JCAD: variants seen among roughly 807,000 people sequenced by gnomAD.
The protein encoded by JCAD is junctional cadherin 5-associated protein.
A neutral mutation model predicts 98.0 loss-of-function variants in JCAD; 40 were observed. The observed-to-expected ratio is 0.41, with a 90% CI of 0.32 to 0.53. The LOEUF (loss-of-function observed/expected upper bound fraction) is 0.53. Ranked by LOEUF, JCAD falls within the 20% of genes least tolerant of loss-of-function variation. The probability of loss-of-function intolerance (pLI) is 0.31; values close to 1 mark genes in which losing one functional copy is unlikely to be tolerated. For synonymous variants in JCAD, 691 were observed against 682.3 expected (o/e 1.01, Z -0.20); for missense variants, 1,705 against 1,738.1 (o/e 0.98, Z 0.34).
chr10:30,043,710 C>G lies in JCAD; in HGVS notation c.281+3822G>C, dbSNP rs551205805. On this transcript the variant is annotated intron_variant, in intron 2 of 3. Coordinates refer to ENST00000375377, the MANE Select transcript of JCAD (RefSeq NM_020848.4). ...CAGCGATGGTAACCCCAGGAGCTCA[C>G]AGAATCAAGTGCTCCTTTCAAACGA... Among the ~76,000 whole-genome samples the G allele has an allele frequency of 7.2e-5, 11 of 152,304 alleles. No homozygotes were observed. The East Asian group carries it at 2.1e-3, about 29-fold the overall frequency.
At chr10:30,090,205 T>C (rs2132694173) in intron 1 of JCAD, among the ~76,000 whole-genome samples, 1 of 152,318 alleles carries the variant, frequency 6.6e-6, no homozygotes, top group East Asian at 1.9e-4. Flanking sequence ...TCATGAGCAC[T>C]ATTTGGTTAC....
chr10:30,081,110 G>A (rs1227822588), intron 1 of JCAD, among the ~76,000 whole-genome samples: 1 of 152,194 alleles, frequency 6.6e-6, no homozygotes, highest in Non-Finnish European at 1.5e-5. Flanking sequence ...CCCAGATGAA[G>A]GCAAATGCCT....
chr10:30,102,732 A>G (rs1220867140), intron 1 of JCAD, among the ~76,000 whole-genome samples: 6 of 152,210 alleles, frequency 3.9e-5, no homozygotes, highest in Non-Finnish European at 7.3e-5. Context: ...GTTTGTTCTC[A>G]CACTGCTAAT....
At chr10:30,048,953 C>T (rs887995856) in intron 1 of JCAD, among the ~76,000 whole-genome samples, 1 of 152,172 alleles carries the variant, frequency 6.6e-6, no homozygotes, top group Non-Finnish European at 1.5e-5. Flanking sequence ...GATGTCCACA[C>T]CCAAATCCTG....
At position 30,028,364 on chromosome 10, in the gene JCAD, T is replaced by C. The variant is rs1282373662; in HGVS notation, c.1784A>G (p.Asp595Gly). ...IPVKSESHLP[D>G]RDMDNNDLKP... ...TAAGTCATTGTTGTCCATATCTCTA[T>C]CTGGCAGATGTGATTCTGATTTCAC... is the stretch of plus-strand genomic sequence containing the variant. The change falls in exon 3 of 4, where the codon GAT becomes GGT. Residue 595 changes from aspartate to glycine, a missense_variant. Physicochemically the swap from Asp to Gly is moderately conservative, Grantham distance 94 (BLOSUM62 -1). Transcript: ENST00000375377. 3.7e-6 allele frequency: 6 copies of C among 1,614,246 alleles called. No homozygotes were observed. Among genetic ancestry groups the C allele is most frequent in the Non-Finnish European group, 5.1e-6 (6 of 1,180,050 alleles).
chr10:30,082,063 T>C (rs577763775), intron 1 of JCAD, among the ~76,000 whole-genome samples: 2 of 152,202 alleles, frequency 1.3e-5, no homozygotes, highest in Non-Finnish European at 2.9e-5. Context: ...ATCGTTTACG[T>C]CTAAGTGTAA....
chr10:30,030,935 T>G (rs142193410), intron 2 of JCAD, among the ~76,000 whole-genome samples: 44 of 150,172 alleles, frequency 2.9e-4, no homozygotes, highest in Middle Eastern at 6.8e-3. Flanking sequence ...TCCGAGACTC[T>G]CCAAGTGTCC....
chr10:30,042,268 C>G (rs1320352762), intron 2 of JCAD, among the ~76,000 whole-genome samples: 1 of 152,192 alleles, frequency 6.6e-6, no homozygotes, highest in Non-Finnish European at 1.5e-5. Flanking sequence ...AAACTGTCCT[C>G]ACCCGCAGCA....
At chr10:30,089,146 G>C (rs1838215224) in intron 1 of JCAD, among the ~76,000 whole-genome samples, 1 of 152,088 alleles carries the variant, frequency 6.6e-6, no homozygotes, top group South Asian at 2.1e-4. Flanking sequence ...CACTGTGCTG[G>C]GGGTGGAGGC....
intron 3 of JCAD, among the ~76,000 whole-genome samples, chr10:30,021,401 T>C (rs1026190593): frequency 2.0e-5 from 3 of 152,140 alleles, no homozygotes; most frequent in Non-Finnish European, 4.4e-5. Flanking sequence ...GGTCTCGCTA[T>C]GTTGCCCAGG....
At chr10:30,041,721 T>G (rs1312465448) in intron 2 of JCAD, among the ~76,000 whole-genome samples, 1 of 152,348 alleles carries the variant, frequency 6.6e-6, no homozygotes, top group East Asian at 1.9e-4. Context: ...CCTGGGGCTA[T>G]GCAGAGAAGA....
At chr10:30,114,456 T>C (rs1446344065) in intron 1 of JCAD, among the ~76,000 whole-genome samples, 1 of 151,708 alleles carries the variant, frequency 6.6e-6, no homozygotes, top group Admixed American at 6.6e-5. Flanking sequence ...AAAGGACAAA[T>C]AATAATGTCT....
At chr10:30,094,508 T>C (rs1242424676) in intron 1 of JCAD, among the ~76,000 whole-genome samples, 2 of 152,074 alleles carry the variant, frequency 1.3e-5, no homozygotes, top group Non-Finnish European at 2.9e-5. Flanking sequence ...TACAGAGGGC[T>C]GTTATGAAAT....
At chr10:30,072,436 A>C (rs1837910125) in intron 1 of JCAD, among the ~76,000 whole-genome samples, 1 of 152,202 alleles carries the variant, frequency 6.6e-6, no homozygotes, top group Non-Finnish European at 1.5e-5. Flanking sequence ...GTATATCCAT[A>C]AAGATCTCAT....
chr10:30,046,630 C>A (rs1366356847), intron 2 of JCAD, among the ~76,000 whole-genome samples: 2 of 152,168 alleles, frequency 1.3e-5, no homozygotes, highest in Non-Finnish European at 2.9e-5. Context: ...TAAAATGACT[C>A]CTATCTGAGG....
At chr10:30,030,547 C>T (rs1288876322) in intron 2 of JCAD, among the ~76,000 whole-genome samples, 1 of 152,198 alleles carries the variant, frequency 6.6e-6, no homozygotes, top group Non-Finnish European at 1.5e-5. Context: ...TCCAGACCTC[C>T]TGTGCAATCT....
chr10:30,038,793 G>A (rs540656545), intron 2 of JCAD, among the ~76,000 whole-genome samples: 72 of 151,944 alleles, frequency 4.7e-4, no homozygotes, highest in Non-Finnish European at 9.1e-4. Context: ...GAAGGAAGAA[G>A]GGTATAGGTC....
At chr10:30,042,202 A>G (rs1310477396) in intron 2 of JCAD, among the ~76,000 whole-genome samples, 1 of 152,180 alleles carries the variant, frequency 6.6e-6, no homozygotes, top group Non-Finnish European at 1.5e-5. Context: ...GTTATTTGTC[A>G]AATTGTCTGT....
chr10:30,059,525 T>A lies in JCAD; in HGVS notation c.-103A>T, dbSNP rs189272466. The A allele has an allele frequency of 5.3e-3, 774 of 147,420 alleles. 2 individuals are homozygous for A. The highest frequency in any genetic ancestry group is 8.8e-3 in the Non-Finnish European group (591 of 66,882). The allele number at this position is 147,420 out of a possible 1,614,324, so 9.1% of individuals were successfully genotyped here. A position where few individuals can be genotyped will look rare whatever the true frequency, so the allele number is the denominator to read the frequency against. ...CGCCTCGCGCCGCCACCGCCGCCGC[T>A]CCGGCCGGCCGGGGACCAGCGCGAC... On this transcript the variant is annotated 5_prime_UTR_variant, in exon 1 of 4. Transcript: ENST00000375377. The surrounding 1 kb of genome is among the most constrained non-coding windows in gnomAD (Gnocchi z 5.0).
Sources: gnomAD v4.1 joint callset for allele counts (sites outside exome capture counted in the v4.1 genomes callset) on GRCh38, gnomAD v4.1.1 for gene constraint, Gnocchi (gnomAD v3.1) non-coding constraint, MANE v1.5 for transcripts, NCBI Gene and HGNC (gene_info 2026-07-23, HGNC 2026-07-21) for gene names.